Variants in C12orf42 observed in about 807,000 individuals in gnomAD.
The protein encoded by C12orf42 is chromosome 12 open reading frame 42.
Under a neutral mutation model 21.6 loss-of-function variants are expected in C12orf42, and 25 were observed. The observed-to-expected ratio is 1.16, with a 90% CI of 0.84 to 1.62. C12orf42 has a LOEUF of 1.62. C12orf42 is among the 40% of genes most tolerant of loss of function. C12orf42 has a pLI of 0.00. For synonymous variants in C12orf42, 174 were observed against 175.0 expected, an observed-to-expected ratio of 0.99 and a Z score of 0.05; for missense variants, 483 against 459.3, an observed-to-expected ratio of 1.05 and a Z score of -0.47.
chr12:103,518,317 G>C, the C12orf42 span, among the ~76,000 whole-genome samples: 2 of 152,146 alleles, frequency 1.3e-5, no homozygotes, highest in African/African-American at 4.8e-5. Flanking sequence ...ATTTAGCCAG[G>C]AAACCAAGCC....
the C12orf42 span, among the ~76,000 whole-genome samples, chr12:103,524,572 T>C: frequency 2.0e-5 from 3 of 152,224 alleles, no homozygotes; most frequent in African/African-American, 7.2e-5. Flanking sequence ...TTTATCAGAA[T>C]GATGATCAGC....
the C12orf42 span, among the ~76,000 whole-genome samples, chr12:103,078,986 G>C: frequency 6.6e-6 from 1 of 152,290 alleles, no homozygotes; most frequent in South Asian, 2.1e-4. Flanking sequence ...GCCAGCTCCA[G>C]TGTGCTTTCT....
At chr12:103,466,688 C>A (rs1157886610) in intron 2 of C12orf42, among the ~76,000 whole-genome samples, 1 of 152,136 alleles carries the variant, frequency 6.6e-6, no homozygotes, top group East Asian at 1.9e-4. Context: ...GGGCTGGAGT[C>A]ATTCACCTGT....
downstream of C12orf42, among the ~76,000 whole-genome samples, chr12:103,233,300 A>G (rs2033362317): frequency 6.6e-6 from 1 of 152,064 alleles, no homozygotes; most frequent in Admixed American, 6.6e-5. Flanking sequence ...CATGCGGGCT[A>G]TTTTGCGTTT....
chr12:103,466,943 C>T (rs1235761096), intron 2 of C12orf42, among the ~76,000 whole-genome samples: 5 of 152,182 alleles, frequency 3.3e-5, no homozygotes, highest in African/African-American at 7.2e-5. Flanking sequence ...TCTTCCCAGA[C>T]GAGGCCATCC....
intron 10 of C12orf42, among the ~76,000 whole-genome samples, chr12:103,242,907 C>G (rs1198560396): frequency 1.3e-5 from 2 of 152,088 alleles, no homozygotes; most frequent in African/African-American, 4.8e-5. Context: ...CCACTTAAAT[C>G]CAATTTTCAT....
chr12:103,411,264 CTATTAA>C (rs2048824152), intron 2 of C12orf42, among the ~76,000 whole-genome samples: 1 of 152,070 alleles, frequency 6.6e-6, no homozygotes, highest in African/African-American at 2.4e-5. Context: ...ATAGCTAATT[CTATTAA>C]TATTAATATG....
At chr12:103,485,618 T>A (rs1954781211) in intron 1 of C12orf42, among the ~76,000 whole-genome samples, 1 of 152,214 alleles carries the variant, frequency 6.6e-6, no homozygotes, top group South Asian at 2.1e-4. Context: ...GAAATGTTCT[T>A]CCATTTGTTT....
chr12:103,364,533 A>T (rs1263816669), intron 4 of C12orf42, among the ~76,000 whole-genome samples: 1 of 152,020 alleles, frequency 6.6e-6, no homozygotes, highest in Non-Finnish European at 1.5e-5. Flanking sequence ...GAAATATAAA[A>T]ATAAATGAAC....
At chr12:103,538,992 G>A in the C12orf42 span, among the ~76,000 whole-genome samples, 1 of 152,156 alleles carries the variant, frequency 6.6e-6, no homozygotes. Flanking sequence ...GAAAAGCGAA[G>A]AAGGCAAGCA....
intron 4 of C12orf42, among the ~76,000 whole-genome samples, chr12:103,325,924 C>T (rs191706839): frequency 2.0e-5 from 3 of 152,078 alleles, no homozygotes; most frequent in East Asian, 1.9e-4. Flanking sequence ...AGAGAATGAG[C>T]GATTCTCTGA....
chr12:103,334,117 G>A (rs1215225323), intron 4 of C12orf42, among the ~76,000 whole-genome samples: 7 of 152,166 alleles, frequency 4.6e-5, no homozygotes, highest in Admixed American at 4.6e-4. Context: ...TTGGGACAAT[G>A]TAAAATCCGA....
chr12:103,317,047 G>A (rs905931774), intron 4 of C12orf42, among the ~76,000 whole-genome samples: 2 of 152,128 alleles, frequency 1.3e-5, no homozygotes, highest in South Asian at 4.1e-4. Context: ...ATCAAAGGTG[G>A]CAAACAAGTT....
chr12:103,294,534 C>G (rs1238141069), intron 4 of C12orf42, among the ~76,000 whole-genome samples: 1 of 106,902 alleles, frequency 9.4e-6, no homozygotes, highest in African/African-American at 3.5e-5. Flanking sequence ...AAGAAAGAAG[C>G]AAGCAAGCAA....
At chr12:103,550,660 A>G in the C12orf42 span, 1 of 152,160 alleles carries the variant, frequency 6.6e-6, no homozygotes, top group Non-Finnish European at 1.5e-5. Context: ...AACTTTGCCC[A>G]AAATTTTATA....
chr12:103,329,382 G>A (rs759062481), intron 4 of C12orf42, among the ~76,000 whole-genome samples: 1 of 152,124 alleles, frequency 6.6e-6, no homozygotes, highest in Non-Finnish European at 1.5e-5. Context: ...TCCTGTCGGT[G>A]GGTGGAGAGC....
the C12orf42 span, among the ~76,000 whole-genome samples, chr12:103,523,281 A>G: frequency 6.6e-6 from 1 of 152,154 alleles, no homozygotes; most frequent in Admixed American, 6.5e-5. Flanking sequence ...ATGTCTCATC[A>G]TTTCTTTAGA....
At chr12:103,091,705 C>T in the C12orf42 span, among the ~76,000 whole-genome samples, 1 of 152,072 alleles carries the variant, frequency 6.6e-6, no homozygotes, top group African/African-American at 2.4e-5. Flanking sequence ...ATCTGTTGTC[C>T]TTCATTTAAA....
At chr12:103,076,067 C>A in the C12orf42 span, among the ~76,000 whole-genome samples, 152 of 151,966 alleles carry the variant, frequency 1.0e-3, 1 homozygote, top group African/African-American at 3.4e-3. Context: ...TATCACACAC[C>A]GGGTCCTGTT....
Sources: allele counts gnomAD v4.1 joint callset (sites outside exome capture counted in the v4.1 genomes callset), GRCh38; gene constraint gnomAD v4.1.1; transcripts MANE v1.5; gene names NCBI Gene and HGNC (gene_info 2026-07-23, HGNC 2026-07-21).